SENP5: variants seen among roughly 807,000 people sequenced by gnomAD.
SENP5 encodes the protein sentrin-specific protease 5.
Under a neutral mutation model 74.2 loss-of-function variants are expected in SENP5, and 21 were observed. The ratio of observed to expected loss-of-function variants is 0.28; its 90% CI spans 0.20 to 0.41. SENP5 has a LOEUF of 0.41. SENP5 is among the 10% of genes least tolerant of loss of function. The pLI, the probability that SENP5 is intolerant of heterozygous loss-of-function variation, is 1.00. For synonymous variants in SENP5, 311 were observed against 312.7 expected (o/e 0.99, Z 0.06); for missense variants, 717 against 889.1 (o/e 0.81, Z 2.46).
chr3:196,914,586 A>AAAAAAAAAAAATATAT lies in SENP5; in HGVS notation c.1885-8827_1885-8826insAAAAAAAAAATATATA. The AAAAAAAAAAAATATAT allele has an allele frequency of 5.1e-4, 17 of 33,488 alleles. 1 individual carries two copies. The highest frequency in any genetic ancestry group is 1.7e-3 in the South Asian group (1 of 604). 2.1% of individuals were successfully genotyped at this position (33,488 alleles called of 1,614,324 possible). On this transcript the variant is annotated intron_variant, in intron 6 of 9. Transcript: ENST00000323460. ...CTTTAAAAAAAAAAAAAAAAAAAAA[A>AAAAAAAAAAAATATAT]ATATATATATATATATATATATATA...
At chr3:196,876,283 T>A (rs983947294) in intron 1 of SENP5, among the ~76,000 whole-genome samples, 1 of 152,150 alleles carries the variant, frequency 6.6e-6, no homozygotes, top group Non-Finnish European at 1.5e-5. Context: ...GGCTCACGCC[T>A]GTAATTCCAG....
At position 196,905,508 on chromosome 3, in the gene SENP5, C is replaced by T. The variant is rs183084442; in HGVS notation, c.1884+1898C>T. The stretch of plus-strand genomic sequence containing the variant: ...AGACTTCAAGTGAGGGTTCCCATGC[C>T]GCCCTCCTTGAATTTGATTAATTTG... On this transcript the variant is annotated intron_variant, in intron 6 of 9. Coordinates refer to ENST00000323460, the MANE Select transcript of SENP5 (RefSeq NM_152699.5). 2.2e-3 allele frequency among the ~76,000 whole-genome samples: 330 copies of T among 152,254 alleles called. 2 individuals carry two copies. The highest frequency in any genetic ancestry group is 7.4e-3 in the African/African-American group (307 of 41,546).
chr3:196,868,882 G>GTTTGT (rs1713070605), intron 1 of SENP5, among the ~76,000 whole-genome samples: 1 of 148,924 alleles, frequency 6.7e-6, no homozygotes, highest in African/African-American at 2.5e-5. Context: ...TCCTACTTAT[G>GTTTGT]TTTTTTTTTT....
intron 6 of SENP5, among the ~76,000 whole-genome samples, chr3:196,912,435 AAG>A (rs1366411221): frequency 1.3e-5 from 2 of 152,258 alleles, no homozygotes; most frequent in East Asian, 1.9e-4. Flanking sequence ...GTTGGGGGCA[AAG>A]AGAGGGAGAG....
intron 1 of SENP5, among the ~76,000 whole-genome samples, chr3:196,877,585 A>T (rs1484322449): frequency 1.3e-5 from 2 of 152,048 alleles, no homozygotes; most frequent in African/African-American, 4.8e-5. Flanking sequence ...ATTTTTTTTT[A>T]AATCACAGCA....
intron 7 of SENP5, among the ~76,000 whole-genome samples, chr3:196,926,798 C>T (rs1443897368): frequency 1.3e-5 from 2 of 151,892 alleles, no homozygotes; most frequent in African/African-American, 4.8e-5. Context: ...ACCACCACAC[C>T]TGGCTAATTT....
At chr3:196,903,438 C>T (rs1714780918) in intron 5 of SENP5, 95 bp from the exon 6 acceptor site, 1 of 728,118 alleles carries the variant, frequency 1.4e-6, no homozygotes, top group Non-Finnish European at 2.2e-6. Context: ...TTTTTGTCTG[C>T]TTTACATTCA....
intron 1 of SENP5, among the ~76,000 whole-genome samples, chr3:196,870,293 C>T (rs532127645): frequency 1.3e-5 from 2 of 151,972 alleles, no homozygotes; most frequent in Non-Finnish European, 2.9e-5. Context: ...TTTTTTTGGG[C>T]GTGGGTAATA....
intron 8 of SENP5, among the ~76,000 whole-genome samples, chr3:196,928,408 C>G (rs1246843706): frequency 6.6e-6 from 1 of 152,102 alleles, no homozygotes; most frequent in Non-Finnish European, 1.5e-5. Context: ...GTCGTAAATA[C>G]CAGTGTCTTC....
intron 1 of SENP5, among the ~76,000 whole-genome samples, chr3:196,875,983 A>C (rs1240844368): frequency 1.3e-5 from 2 of 152,188 alleles, no homozygotes; most frequent in Non-Finnish European, 2.9e-5. Context: ...TCTGCCTCCC[A>C]AAGTGCTGGG....
intron 6 of SENP5, among the ~76,000 whole-genome samples, chr3:196,909,168 CGG>C (rs573977659): frequency 6.6e-6 from 1 of 151,988 alleles, no homozygotes; most frequent in South Asian, 2.1e-4. Flanking sequence ...CTAGAAGAAA[CGG>C]ATAAATTCCT....
At chr3:196,869,759 CAAAAAAAAAAAA>C (rs58745670) in intron 1 of SENP5, among the ~76,000 whole-genome samples, 4 of 37,982 alleles carry the variant, frequency 1.1e-4, no homozygotes, top group Non-Finnish European at 1.7e-4. Context: ...AACTCCGTCT[CAAAAAAAAAAAA>C]AAAAAAAAAA....
intron 6 of SENP5, among the ~76,000 whole-genome samples, chr3:196,906,691 G>A (rs1394774198): frequency 6.6e-6 from 1 of 152,230 alleles, no homozygotes; most frequent in African/African-American, 2.4e-5. Context: ...TAGCTGAAAT[G>A]CAGAGAGTTA....
Position 196,897,220 on chromosome 3 carries a change from A to G in SENP5, c.1514-2446A>G, listed in dbSNP as rs144239777. Among the ~76,000 whole-genome samples, 615 of 152,322 alleles carry G rather than the reference A, an allele frequency of 4.0e-3. 7 individuals carry two copies. Among genetic ancestry groups the G allele is most frequent in the African/African-American group, 0.014 (577 of 41,564 alleles). Reference sequence around the variant, plus strand: ...ATTTTACAACGAAAAATAATTCTCAATGCAGTTTCTCAAATGGTGGGATTC... The same window carrying G: ...ATTTTACAACGAAAAATAATTCTCAGTGCAGTTTCTCAAATGGTGGGATTC... On this transcript the variant is annotated intron_variant, in intron 2 of 9. Transcript: ENST00000323460.
chr3:196,896,932 C>T (rs995040627), intron 2 of SENP5, among the ~76,000 whole-genome samples: 1 of 152,074 alleles, frequency 6.6e-6, no homozygotes, highest in South Asian at 2.1e-4. Flanking sequence ...AAGATCGTAC[C>T]TTGAAGGGCA....
chr3:196,927,749 C>T (rs772883068), intron 7 of SENP5, 47 bp from the exon 8 acceptor site: 5 of 1,172,876 alleles, frequency 4.3e-6, no homozygotes, highest in Non-Finnish European at 5.1e-6. Context: ...CCATTTTTCA[C>T]CAACTGATGG....
chr3:196,928,135 G>GA (rs546822163), intron 8 of SENP5, among the ~76,000 whole-genome samples: 16 of 150,178 alleles, frequency 1.1e-4, no homozygotes, highest in South Asian at 4.2e-4. Context: ...CTCTTCTGGG[G>GA]AAAAAAAAAA....
At chr3:196,919,832 T>A (rs973033354) in intron 6 of SENP5, among the ~76,000 whole-genome samples, 1 of 151,982 alleles carries the variant, frequency 6.6e-6, no homozygotes, top group African/African-American at 2.4e-5. Flanking sequence ...TTTTTTTTCT[T>A]AGTATACTTT....
intron 2 of SENP5, among the ~76,000 whole-genome samples, chr3:196,890,237 T>C (rs1335642874): frequency 6.6e-6 from 1 of 152,150 alleles, no homozygotes; most frequent in Non-Finnish European, 1.5e-5. Flanking sequence ...ATTCAGCAAA[T>C]AACAGAACTA....
Sources: allele counts gnomAD v4.1 joint callset (sites outside exome capture counted in the v4.1 genomes callset), GRCh38; gene constraint gnomAD v4.1.1; transcripts MANE v1.5; gene names NCBI Gene and HGNC (gene_info 2026-07-23, HGNC 2026-07-21).